NMBR: variants seen among roughly 807,000 people sequenced by gnomAD.
The protein encoded by NMBR is neuromedin B receptor, also known as neuromedin-B receptor.
NMBR carries 16 observed loss-of-function variants against 20.5 expected under a neutral mutation model. The ratio of observed to expected loss-of-function variants is 0.78; its 90% CI spans 0.53 to 1.19. The LOEUF (loss-of-function observed/expected upper bound fraction) is 1.19. Ranked by LOEUF, NMBR falls within the 50% of genes most tolerant of loss-of-function variation. The pLI is 0.00. For missense variants in NMBR, 582 were observed against 499.1 expected (o/e 1.17, Z -1.58); for synonymous variants, 212 against 196.6 (o/e 1.08, Z -0.65).
intron 1 of NMBR, among the ~76,000 whole-genome samples, chr6:142,115,988 C>T (rs1217324082): frequency 6.6e-6 from 1 of 151,920 alleles, no homozygotes; most frequent in African/African-American, 2.4e-5. Flanking sequence ...CTTTCCTGCA[C>T]TGTTCTCTGA....
At chr6:142,113,683 C>G (rs986155541) in intron 1 of NMBR, among the ~76,000 whole-genome samples, 1 of 152,102 alleles carries the variant, frequency 6.6e-6, no homozygotes, top group Non-Finnish European at 1.5e-5. Context: ...TCAAATGATG[C>G]TCACTTTGAA....
At chr6:142,115,878 C>T (rs544914187) in intron 1 of NMBR, among the ~76,000 whole-genome samples, 1 of 152,122 alleles carries the variant, frequency 6.6e-6, no homozygotes, top group Admixed American at 6.6e-5. Flanking sequence ...TATGCTTTGG[C>T]TGTGTCCCCA....
intron 2 of NMBR, among the ~76,000 whole-genome samples, chr6:142,084,805 C>T (rs1365316087): frequency 2.0e-5 from 3 of 152,238 alleles, no homozygotes; most frequent in East Asian, 3.9e-4. Context: ...ATAACTATAA[C>T]GCCAACCAGG....
chr6:142,103,321 A>C (rs1777599096), intron 1 of NMBR, among the ~76,000 whole-genome samples: 1 of 152,200 alleles, frequency 6.6e-6, no homozygotes, highest in African/African-American at 2.4e-5. Flanking sequence ...AAGCTTTTAT[A>C]CAACCAGAAA....
At chr6:142,079,724 T>C (rs1777054769) in intron 2 of NMBR, among the ~76,000 whole-genome samples, 1 of 152,110 alleles carries the variant, frequency 6.6e-6, no homozygotes, top group South Asian at 2.1e-4. Flanking sequence ...CATAATCCAA[T>C]AATAAGGACT....
rs184746035 is a variant in NMBR at position 142,134,556 on chromosome 6, T to C, written c.-664+12488A>G. 3.3e-3 allele frequency: 1,915 copies of C among 572,322 alleles called. 1 individual carries two copies. The highest frequency in any genetic ancestry group is 4.7e-3 in the Non-Finnish European group (1,522 of 326,788). The allele number at this position is 572,322 out of a possible 1,614,324, so 35.5% of individuals were successfully genotyped here. On this transcript the variant is annotated intron_variant, in intron 1 of 3. Coordinates refer to ENST00000258042, the MANE Select transcript of NMBR (RefSeq NM_002511.4). ...TGTTCTAGGCATTACAACTAGTTAT[T>C]GTCCTGGTTCCTGGAGCTCTTTTCC...
chr6:142,129,061 T>G (rs1582860721), intron 1 of NMBR, among the ~76,000 whole-genome samples: 2 of 151,746 alleles, frequency 1.3e-5, no homozygotes, highest in Admixed American at 1.3e-4. Flanking sequence ...CTTTAACTCA[T>G]TTTTATTTAT....
chr6:142,109,198 C>A (rs1457131097), intron 1 of NMBR, among the ~76,000 whole-genome samples: 1 of 152,120 alleles, frequency 6.6e-6, no homozygotes. Flanking sequence ...ATCTACCATT[C>A]CGGGCTCTGG....
chr6:142,095,743 G>C (rs1777436638), intron 1 of NMBR, among the ~76,000 whole-genome samples: 1 of 152,140 alleles, frequency 6.6e-6, no homozygotes, highest in Non-Finnish European at 1.5e-5. Context: ...GTTCCTCCTT[G>C]TACCTCTGGT....
At chr6:142,121,918 T>C (rs1244128557) in intron 1 of NMBR, among the ~76,000 whole-genome samples, 1 of 151,870 alleles carries the variant, frequency 6.6e-6, no homozygotes, top group Non-Finnish European at 1.5e-5. Context: ...TATGCAGCCA[T>C]TGTTGATATG....
intron 1 of NMBR, chr6:142,133,982 A>G (rs781765976): frequency 3.1e-5 from 22 of 702,432 alleles, no homozygotes; most frequent in Non-Finnish European, 5.7e-5. Flanking sequence ...TCCAGACAAA[A>G]GAGAAGTAAA....
In NMBR at chr6:142,078,877, T is replaced by G; in HGVS notation, c.449A>C (p.Asp150Ala). Reference sequence around the variant, plus strand: ...CAGCAATGCCCCTGACGTCTGCATGTCCATGGGGTTAACGATGGCTCTGTA... The same window carrying G: ...CAGCAATGCCCCTGACGTCTGCATGGCCATGGGGTTAACGATGGCTCTGTA... ...DRYRAIVNPM[D>A]MQTSGALLRT... The change falls in exon 3 of 4, where the codon GAC becomes GCC. Residue 150 changes from aspartate to alanine, a missense_variant. By Grantham distance (126) the Asp-to-Ala change is moderately radical. Transcript: ENST00000258042. The G allele has an allele frequency of 2.5e-6, 4 of 1,612,852 alleles. No individual in the cohort carries two copies. The South Asian group carries it at 4.4e-5, about 18-fold the overall frequency.
intron 2 of NMBR, among the ~76,000 whole-genome samples, chr6:142,087,501 T>C (rs965174889): frequency 2.2e-4 from 34 of 152,152 alleles, no homozygotes; most frequent in African/African-American, 7.7e-4. Context: ...TGGGCCTCAA[T>C]ATGCACATCT....
intron 2 of NMBR, among the ~76,000 whole-genome samples, chr6:142,086,651 T>C (rs1428011979): frequency 6.6e-6 from 1 of 152,124 alleles, no homozygotes; most frequent in Non-Finnish European, 1.5e-5. Context: ...AAAGTATTCA[T>C]CCTGTATTCA....
intron 3 of NMBR, among the ~76,000 whole-genome samples, chr6:142,077,539 C>T (rs1776974334): frequency 6.6e-6 from 1 of 152,180 alleles, no homozygotes; most frequent in Admixed American, 6.5e-5. Flanking sequence ...ATTAATCTAA[C>T]AATGCCTTCA....
intron 1 of NMBR, chr6:142,133,970 G>A (rs557709712): frequency 4.8e-5 from 34 of 702,442 alleles, no homozygotes; most frequent in African/African-American, 2.4e-4. Flanking sequence ...CTTCATTTGC[G>A]ATCCAGACAA....
Position 142,146,033 on chromosome 6 carries a change from T to C in NMBR, c.-664+1011A>G, listed in dbSNP as rs115716277. On this transcript the variant is annotated intron_variant, in intron 1 of 3. Coordinates refer to ENST00000258042, the MANE Select transcript of NMBR (RefSeq NM_002511.4). ...CTCTACCAATCTAGCAACTTTTGAC[T>C]GGAAAGTCCAAATAGTGGGAGTAAG... Among the ~76,000 whole-genome samples the C allele has an allele frequency of 1.4e-3, 218 of 152,348 alleles. 1 individual carries two copies. The highest frequency in any genetic ancestry group is 5.2e-3 in the African/African-American group (215 of 41,576).
At chr6:142,134,658 C>G (rs1435171272) in intron 1 of NMBR, 1 of 695,800 alleles carries the variant, frequency 1.4e-6, no homozygotes, top group Non-Finnish European at 2.6e-6. Flanking sequence ...TTTATATACT[C>G]TCTGTTTTAT....
chr6:142,087,909 C>T (rs952729069), intron 2 of NMBR, among the ~76,000 whole-genome samples: 39 of 152,190 alleles, frequency 2.6e-4, no homozygotes, highest in African/African-American at 9.2e-4. Context: ...ACAAGATACT[C>T]GCTCTTTTGC....
Sources: gnomAD v4.1 joint callset for allele counts (sites outside exome capture counted in the v4.1 genomes callset) on GRCh38, gnomAD v4.1.1 for gene constraint, MANE v1.5 for transcripts, NCBI Gene and HGNC (gene_info 2026-07-23, HGNC 2026-07-21) for gene names.